CLDN16: variants seen among roughly 807,000 people sequenced by gnomAD.
The protein encoded by CLDN16 is claudin-16.
Under a neutral mutation model 24.6 loss-of-function variants are expected in CLDN16, and 13 were observed. The observed-to-expected ratio is 0.53, with a 90% confidence interval of 0.34 to 0.84. The LOEUF (loss-of-function observed/expected upper bound fraction) is 0.84, where lower values mean the gene tolerates loss of function less well. Among genes scored for constraint, CLDN16 ranks in the 40% least tolerant of loss-of-function variants. CLDN16 has a pLI of 0.01. For missense variants in CLDN16, 298 were observed against 292.7 expected, an observed-to-expected ratio of 1.02 and a Z score of -0.13; for synonymous variants, 116 against 106.7, an observed-to-expected ratio of 1.09 and a Z score of -0.54.
At chr3:190,359,578 A>G (rs1416052738) in intron 1 of CLDN16, among the ~76,000 whole-genome samples, 7 of 152,078 alleles carry the variant, frequency 4.6e-5, no homozygotes, top group Admixed American at 2.0e-4. Context: ...TTTAAATGTT[A>G]ACATTAGTAC....
rs1719291671 is a variant in CLDN16, at chr3:190,411,764, A to AT, written c.*1731dup. 6.6e-6 allele frequency: 1 copy of AT among 152,184 alleles called. No individual in the cohort carries two copies. Among genetic ancestry groups the AT allele is most frequent in the Admixed American group, 6.5e-5 (1 of 15,282 alleles). 9.4% of individuals were successfully genotyped at this position (152,184 alleles called of 1,614,324 possible). A position where few individuals can be genotyped will look rare whatever the true frequency, so the allele number is the denominator to read the frequency against. On this transcript the variant is annotated 3_prime_UTR_variant, in exon 5 of 5. Transcript: ENST00000264734. ...CTAGTTGGAGAATTAACAGCAATTGATTTAACTATCTCATTTTTATTAACT... is the reference window on the plus strand; with the variant it reads ...CTAGTTGGAGAATTAACAGCAATTGATTTTAACTATCTCATTTTTATTAACT...
intron 3 of CLDN16, among the ~76,000 whole-genome samples, chr3:190,377,387 G>A (rs7622402): frequency 0.14 from 21,219 of 151,850 alleles, 1,540 homozygotes; most frequent in Middle Eastern, 0.2. Context: ...ACTAAAAATG[G>A]AGGTCACATG....
upstream of CLDN16, among the ~76,000 whole-genome samples, chr3:190,321,172 C>T (rs1716911591): frequency 6.6e-6 from 1 of 152,190 alleles, no homozygotes; most frequent in Admixed American, 6.5e-5. Flanking sequence ...ATTTCATCAG[C>T]TATGACTATT....
chr3:190,397,435 A>C (rs1718848091), intron 1 of CLDN16, among the ~76,000 whole-genome samples: 1 of 152,214 alleles, frequency 6.6e-6, no homozygotes, highest in Admixed American at 6.5e-5. Flanking sequence ...AAGGTTAACT[A>C]TGATATTTGA....
the CLDN16 span, chr3:190,306,977 G>T: frequency 6.6e-6 from 1 of 152,660 alleles, no homozygotes; most frequent in Non-Finnish European, 1.5e-5. Context: ...ATGAAGGTAC[G>T]TGTGTAGGTT....
intron 2 of CLDN16, among the ~76,000 whole-genome samples, chr3:190,402,873 G>T (rs773021130): frequency 6.6e-6 from 1 of 152,118 alleles, no homozygotes; most frequent in African/African-American, 2.4e-5. Flanking sequence ...TCAGTTGAAG[G>T]TTAGCTAAGA....
upstream of CLDN16, among the ~76,000 whole-genome samples, chr3:190,383,696 A>G (rs1440345536): frequency 6.6e-6 from 1 of 152,218 alleles, no homozygotes; most frequent in Non-Finnish European, 1.5e-5. Flanking sequence ...TGAAAGCACC[A>G]TAGGAGACAA....
At chr3:190,409,783 A>G (rs1466846578) in intron 4 of CLDN16, 120 bp from the exon 5 acceptor site, 2 of 945,626 alleles carry the variant, frequency 2.1e-6, no homozygotes, top group East Asian at 5.2e-5. Context: ...GAGTTCCAAA[A>G]TGATACCTTC....
chr3:190,322,531 G>T (rs1716958808), upstream of CLDN16: 1 of 346,310 alleles, frequency 2.9e-6, no homozygotes, highest in East Asian at 7.0e-5. Flanking sequence ...CGGTTTCAGG[G>T]CGGCTCACCG....
intron 1 of CLDN16, among the ~76,000 whole-genome samples, chr3:190,333,940 G>T (rs575332668): frequency 6.6e-6 from 1 of 152,048 alleles, no homozygotes; most frequent in Non-Finnish European, 1.5e-5. Flanking sequence ...AAAATTTTAG[G>T]TAAAGAGTAT....
rs1394002182 is a variant in CLDN16, at chr3:190,363,583, T to C, written n.122-7310T>C. On this transcript the variant is annotated intron_variant and non_coding_transcript_variant, in intron 1 of 4. Coordinates refer to the CLDN16 transcript ENST00000468220. ...ATATATATATATATATATATATATATATATATATATATATTTTCTTTCTCC... is the reference window on the plus strand; with the variant it reads ...ATATATATATATATATATATATATACATATATATATATATTTTCTTTCTCC... Among the ~76,000 whole-genome samples, 22 of 137,544 alleles carry C rather than the reference T, an allele frequency of 1.6e-4. 1 individual carries two copies. Among genetic ancestry groups the C allele is most frequent in the African/African-American group, 2.7e-4 (10 of 37,566 alleles). The allele number at this position is 137,544 out of a possible 152,430, so 90.2% of individuals were successfully genotyped here.
chr3:190,322,328 C>T (rs1242115484), upstream of CLDN16: 48 of 898,754 alleles, frequency 5.3e-5, no homozygotes, highest in Admixed American at 2.0e-5. Flanking sequence ...AGGCGGGGAG[C>T]CCTGCTCGCT....
intron 1 of CLDN16, among the ~76,000 whole-genome samples, chr3:190,343,666 C>T (rs895240297): frequency 4.6e-5 from 7 of 152,018 alleles, no homozygotes; most frequent in Admixed American, 1.3e-4. Flanking sequence ...ATATATGAAT[C>T]TGAAGGGCAT....
intron 2 of CLDN16, among the ~76,000 whole-genome samples, chr3:190,374,244 A>G (rs986277071): frequency 3.1e-4 from 44 of 141,938 alleles, no homozygotes; most frequent in African/African-American, 1.0e-3. Flanking sequence ...GGTTTTCTCT[A>G]TTTTCCTTCC....
At chr3:190,353,982 A>G (rs1717717989) in intron 1 of CLDN16, among the ~76,000 whole-genome samples, 2 of 151,988 alleles carry the variant, frequency 1.3e-5, no homozygotes, top group South Asian at 4.1e-4. Flanking sequence ...TGAGGACTGC[A>G]CTTTCTCTAG....
intron 3 of CLDN16, among the ~76,000 whole-genome samples, chr3:190,378,778 G>C (rs1718296362): frequency 6.6e-6 from 1 of 151,940 alleles, no homozygotes; most frequent in Admixed American, 6.6e-5. Flanking sequence ...ATTTCCACTG[G>C]ACGTTTGCCT....
At chr3:190,373,409 A>G (rs1448475394) in intron 2 of CLDN16, among the ~76,000 whole-genome samples, 1 of 151,888 alleles carries the variant, frequency 6.6e-6, no homozygotes, top group African/African-American at 2.4e-5. Context: ...AAGAACATAT[A>G]ATTTTATGAG....
intron 1 of CLDN16, among the ~76,000 whole-genome samples, chr3:190,328,090 T>C (rs1717106290): frequency 1.4e-5 from 2 of 147,740 alleles, no homozygotes; most frequent in Admixed American, 1.4e-4. Context: ...GAGACTAGCC[T>C]GAACAAAATA....
At chr3:190,385,423 A>G (rs150370321), upstream of CLDN16, among the ~76,000 whole-genome samples, 409 of 152,290 alleles carry the variant, frequency 2.7e-3, 1 homozygote, top group African/African-American at 9.4e-3. Flanking sequence ...ACAGAAATTC[A>G]CATGCAAGCC....
Sources: allele counts gnomAD v4.1 joint callset (sites outside exome capture counted in the v4.1 genomes callset), GRCh38; gene constraint gnomAD v4.1.1; transcripts MANE v1.5; gene names NCBI Gene and HGNC (gene_info 2026-07-23, HGNC 2026-07-21).